Variants in DPF3 observed in about 807,000 individuals in gnomAD.
DPF3 encodes zinc finger protein DPF3.
In DPF3, 18 loss-of-function variants were observed where a neutral mutation model predicts 56.8. The observed-to-expected ratio is 0.32, with a 90% CI of 0.22 to 0.47. The LOEUF (loss-of-function observed/expected upper bound fraction) is 0.47. Ranked by LOEUF, DPF3 falls within the 20% of genes least tolerant of loss-of-function variation. DPF3 has a pLI of 1.00. For missense variants in DPF3, 403 were observed against 488.8 expected (o/e 0.82, Z 1.65); for synonymous variants, 188 against 180.2 (o/e 1.04, Z -0.35).
At chr14:72,893,639 A>T (rs1331406654) in intron 1 of DPF3, among the ~76,000 whole-genome samples, 1 of 151,014 alleles carries the variant, frequency 6.6e-6, no homozygotes, top group African/African-American at 2.4e-5. Context: ...GGCCAAGTAC[A>T]CCGAGGCGGC....
intron 3 of DPF3, among the ~76,000 whole-genome samples, chr14:72,744,150 T>C (rs1008988843): frequency 2.0e-5 from 3 of 152,088 alleles, no homozygotes; most frequent in Non-Finnish European, 4.4e-5. Context: ...CAGCAAATAA[T>C]AAAGAAACAG....
chr14:72,812,761 C>T (rs547033677), intron 1 of DPF3, among the ~76,000 whole-genome samples: 1 of 152,316 alleles, frequency 6.6e-6, no homozygotes, highest in South Asian at 2.1e-4. Flanking sequence ...GTCCGGGAGG[C>T]TGGGCAGCCC....
At chr14:72,641,001 A>T (rs1885545977) in intron 8 of DPF3, among the ~76,000 whole-genome samples, 1 of 152,154 alleles carries the variant, frequency 6.6e-6, no homozygotes, top group African/African-American at 2.4e-5. Flanking sequence ...TCCACTGAGA[A>T]AGCTGGAGAC....
At position 72,612,246 on chromosome 14, in the gene DPF3, CAT is replaced by C. The variant is rs1391876111; in HGVS notation, c.*7049_*7050del. ...AATGCCCCCTAAGCATCTGACCATT[CAT>C]TGCAAAAGCATGACCCATCTGCTTT... On this transcript the variant is annotated 3_prime_UTR_variant, in exon 11 of 11. Transcript: ENST00000556509. Among the ~76,000 whole-genome samples, 1 of 152,192 alleles carries C rather than the reference CAT, an allele frequency of 6.6e-6. No individual in the cohort carries two copies. Among genetic ancestry groups the C allele is most frequent in the Non-Finnish European group, 1.5e-5 (1 of 68,032 alleles).
intron 8 of DPF3, among the ~76,000 whole-genome samples, chr14:72,647,991 G>C (rs1885775334): frequency 6.6e-6 from 1 of 152,096 alleles, no homozygotes; most frequent in Admixed American, 6.5e-5. Flanking sequence ...ATCCAGCCTT[G>C]CACGTGTCTG....
At chr14:72,703,459 ACT>A (rs1175902367) in intron 6 of DPF3, among the ~76,000 whole-genome samples, 1 of 151,946 alleles carries the variant, frequency 6.6e-6, no homozygotes, top group East Asian at 1.9e-4. Flanking sequence ...AAGCAACCAG[ACT>A]CTCGTTTCAA....
At chr14:72,682,776 G>C (rs2153571741) in intron 7 of DPF3, among the ~76,000 whole-genome samples, 1 of 152,292 alleles carries the variant, frequency 6.6e-6, no homozygotes, top group African/African-American at 2.4e-5. Context: ...GCACACGCAG[G>C]GGCGCACTCC....
At chr14:72,794,924 C>T (rs1892574823) in intron 1 of DPF3, among the ~76,000 whole-genome samples, 1 of 151,998 alleles carries the variant, frequency 6.6e-6, no homozygotes, top group East Asian at 1.9e-4. Flanking sequence ...CTTCTACCTC[C>T]ACTTCCAATG....
At chr14:72,814,328 A>G (rs1262328814) in intron 1 of DPF3, among the ~76,000 whole-genome samples, 1 of 151,482 alleles carries the variant, frequency 6.6e-6, no homozygotes, top group Non-Finnish European at 1.5e-5. Flanking sequence ...CCTTCATCAT[A>G]CTTGGGGGAT....
chr14:72,671,598 A>G, intron 8 of DPF3: 2 of 624,046 alleles, frequency 3.2e-6, no homozygotes, highest in South Asian at 1.5e-5. Context: ...ACAGCAAAAG[A>G]TTCAACCATG....
chr14:72,715,403 T>A (rs17119962), intron 5 of DPF3, among the ~76,000 whole-genome samples: 1,630 of 152,270 alleles, frequency 0.011, 69 homozygotes, highest in East Asian at 0.097. Context: ...TATAGCACCC[T>A]CGCCTCTCCA....
chr14:72,759,625 A>G (rs1486982725), intron 2 of DPF3, among the ~76,000 whole-genome samples: 2 of 152,084 alleles, frequency 1.3e-5, no homozygotes, highest in African/African-American at 2.4e-5. Flanking sequence ...AAAAAGAAAT[A>G]AGGGCTGGAA....
intron 8 of DPF3, chr14:72,662,408 G>A (rs1254550871): frequency 2.0e-6 from 2 of 984,840 alleles, no homozygotes; most frequent in African/African-American, 3.5e-5. Context: ...CAAAAATACT[G>A]TGCCATGTCA....
At chr14:72,663,032 T>C (rs1277097189) in intron 8 of DPF3, among the ~76,000 whole-genome samples, 1 of 151,800 alleles carries the variant, frequency 6.6e-6, no homozygotes, top group East Asian at 1.9e-4. Flanking sequence ...GGGTAGTGTG[T>C]CCAGCGCCTT....
At chr14:72,720,302 G>C (rs1889113367) in intron 5 of DPF3, among the ~76,000 whole-genome samples, 1 of 152,024 alleles carries the variant, frequency 6.6e-6, no homozygotes, top group African/African-American at 2.4e-5. Flanking sequence ...AGATCAGCCT[G>C]AGCAACAGAG....
At chr14:72,892,714 C>T (rs1447520223) in intron 1 of DPF3, 4 of 1,006,630 alleles carry the variant, frequency 4.0e-6, no homozygotes, top group Admixed American at 5.7e-5. Flanking sequence ...GCATGAACCG[C>T]CCCCCACCCG....
intron 9 of DPF3, among the ~76,000 whole-genome samples, chr14:72,624,895 TG>T (rs1884730499): frequency 6.6e-6 from 1 of 152,244 alleles, no homozygotes; most frequent in South Asian, 2.1e-4. Flanking sequence ...GTGCCCTTCT[TG>T]GCGCATCATA....
chr14:72,640,816 C>T (rs1317973406), intron 8 of DPF3, among the ~76,000 whole-genome samples: 9 of 152,170 alleles, frequency 5.9e-5, no homozygotes, highest in Middle Eastern at 6.8e-3. Flanking sequence ...GGAGACAAGA[C>T]CAGGCTAGAG....
chr14:72,669,226 C>T (rs1026230948), intron 8 of DPF3, among the ~76,000 whole-genome samples: 14 of 152,130 alleles, frequency 9.2e-5, no homozygotes, highest in South Asian at 2.1e-4. Context: ...TTTTAAGGAG[C>T]GGTCTAATTC....
Sources: gnomAD v4.1 joint callset for allele counts (sites outside exome capture counted in the v4.1 genomes callset) on GRCh38, gnomAD v4.1.1 for gene constraint, MANE v1.5 for transcripts, NCBI Gene and HGNC (gene_info 2026-07-23, HGNC 2026-07-21) for gene names.